BCKDHB: variants seen among roughly 807,000 people sequenced by gnomAD.
BCKDHB encodes branched chain keto acid dehydrogenase E1 subunit beta.
BCKDHB carries 41 observed loss-of-function variants against 48.5 expected under a neutral mutation model. The ratio of observed to expected loss-of-function variants is 0.85; its 90% CI spans 0.66 to 1.10. The LOEUF is 1.10. Among genes scored for constraint, BCKDHB ranks in the 50% least tolerant of loss-of-function variants. BCKDHB has a pLI of 0.00. For synonymous variants in BCKDHB, 201 were observed against 174.8 expected (o/e 1.15, Z -1.18); for missense variants, 496 against 494.2 (o/e 1.00, Z -0.03).
intron 9 of BCKDHB, among the ~76,000 whole-genome samples, chr6:80,304,281 T>C (rs1358044715): frequency 6.6e-6 from 1 of 151,924 alleles, no homozygotes; most frequent in Non-Finnish European, 1.5e-5. Context: ...GGGGTAGAGA[T>C]TGGTTAATAC....
chr6:80,368,621 A>G, the BCKDHB span, among the ~76,000 whole-genome samples: 3 of 152,312 alleles, frequency 2.0e-5, no homozygotes, highest in African/African-American at 7.2e-5. Flanking sequence ...AGTAGATTTC[A>G]TCTACATATG....
At chr6:80,420,692 G>T in the BCKDHB span, among the ~76,000 whole-genome samples, 1 of 152,176 alleles carries the variant, frequency 6.6e-6, no homozygotes, top group Non-Finnish European at 1.5e-5. Context: ...TGAGCATTGT[G>T]CAGGTTGCTA....
intron 6 of BCKDHB, among the ~76,000 whole-genome samples, chr6:80,173,672 T>C (rs1229477011): frequency 6.6e-6 from 1 of 152,214 alleles, no homozygotes; most frequent in African/African-American, 2.4e-5. Flanking sequence ...CAATAGCTGA[T>C]GTTGCCTGTG....
intron 1 of BCKDHB, among the ~76,000 whole-genome samples, chr6:80,115,087 T>G (rs1459335242): frequency 6.6e-6 from 1 of 152,224 alleles, no homozygotes; most frequent in African/African-American, 2.4e-5. Context: ...ATCATGGATA[T>G]GTGATACACA....
chr6:80,424,683 T>A, the BCKDHB span, among the ~76,000 whole-genome samples: 13,535 of 152,260 alleles, frequency 0.089, 671 homozygotes, highest in Non-Finnish European at 0.11. Context: ...TAGAATTCTT[T>A]CATTGAGTTT....
chr6:80,114,848 C>T (rs994624381), intron 1 of BCKDHB, among the ~76,000 whole-genome samples: 1 of 151,978 alleles, frequency 6.6e-6, no homozygotes, highest in African/African-American at 2.4e-5. Context: ...TTGGGAGTCA[C>T]CAACATATAA....
At chr6:80,397,805 G>T in the BCKDHB span, among the ~76,000 whole-genome samples, 7,709 of 152,172 alleles carry the variant, frequency 0.051, 220 homozygotes, top group East Asian at 0.097. Flanking sequence ...CTTGAACCTG[G>T]GAGGCAGAGT....
chr6:80,272,847 T>C (rs1398763013), intron 8 of BCKDHB, among the ~76,000 whole-genome samples: 1 of 152,168 alleles, frequency 6.6e-6, no homozygotes, highest in Non-Finnish European at 1.5e-5. Context: ...AACACAAACG[T>C]ATCTTACAAT....
intron 1 of BCKDHB, among the ~76,000 whole-genome samples, chr6:80,119,612 C>A (rs961090152): frequency 6.6e-6 from 1 of 152,188 alleles, no homozygotes; most frequent in African/African-American, 2.4e-5. Flanking sequence ...TGTGAGCCAT[C>A]ACGCCTGGCC....
the BCKDHB span, among the ~76,000 whole-genome samples, chr6:80,422,736 G>A: frequency 5.4e-4 from 82 of 152,248 alleles, no homozygotes; most frequent in Non-Finnish European, 9.1e-4. Context: ...TAGGGATGGT[G>A]GCCTCTTTGT....
chr6:80,290,988 C>T (rs1432907579), intron 9 of BCKDHB, among the ~76,000 whole-genome samples: 1 of 152,192 alleles, frequency 6.6e-6, no homozygotes, highest in Non-Finnish European at 1.5e-5. Flanking sequence ...TCATTGCCAT[C>T]TTGGTTTTGG....
At chr6:80,149,502 A>G (rs367824054) in intron 3 of BCKDHB, among the ~76,000 whole-genome samples, 2 of 152,066 alleles carry the variant, frequency 1.3e-5, no homozygotes, top group Admixed American at 6.6e-5. Context: ...TCATGCTGCT[A>G]TAAAGACACA....
chr6:80,360,605 C>T, the BCKDHB span, among the ~76,000 whole-genome samples: 13 of 152,170 alleles, frequency 8.5e-5, no homozygotes, highest in South Asian at 1.5e-3. Context: ...TAGAAGAAAT[C>T]GACTGGTACA....
At chr6:80,352,172 T>C in the BCKDHB span, among the ~76,000 whole-genome samples, 2 of 150,984 alleles carry the variant, frequency 1.3e-5, no homozygotes, top group East Asian at 3.9e-4. Flanking sequence ...GGAGATAGGG[T>C]TTGGCCATGT....
intron 8 of BCKDHB, among the ~76,000 whole-genome samples, chr6:80,236,657 C>A (rs1276953630): frequency 6.6e-6 from 1 of 152,102 alleles, no homozygotes; most frequent in East Asian, 1.9e-4. Flanking sequence ...GAGTAACTGG[C>A]CCCAAGACAC....
At chr6:80,156,848 G>A (rs759158937) in intron 3 of BCKDHB, among the ~76,000 whole-genome samples, 2 of 152,092 alleles carry the variant, frequency 1.3e-5, no homozygotes, top group African/African-American at 4.8e-5. Flanking sequence ...GCAGAAAACC[G>A]TTGTTCATTA....
the BCKDHB span, among the ~76,000 whole-genome samples, chr6:80,416,442 T>C: frequency 1.3e-5 from 2 of 152,220 alleles, no homozygotes; most frequent in South Asian, 2.1e-4. Flanking sequence ...CTCTCAACAC[T>C]GCTTTAGCTG....
chr6:80,329,711 G>A (rs1355687287), intron 9 of BCKDHB, among the ~76,000 whole-genome samples: 2 of 152,078 alleles, frequency 1.3e-5, no homozygotes, highest in Non-Finnish European at 2.9e-5. Context: ...TGTACTTGCT[G>A]TGTGACCTGG....
intron 3 of BCKDHB, among the ~76,000 whole-genome samples, chr6:80,151,546 T>C (rs895894863): frequency 2.6e-5 from 4 of 152,084 alleles, no homozygotes; most frequent in Non-Finnish European, 5.9e-5. Context: ...GACTCAGATA[T>C]TTTGAAAGAA....
Sources: gnomAD v4.1 joint callset for allele counts (sites outside exome capture counted in the v4.1 genomes callset) on GRCh38, gnomAD v4.1.1 for gene constraint, MANE v1.5 for transcripts, NCBI Gene and HGNC (gene_info 2026-07-23, HGNC 2026-07-21) for gene names.